The following GDAP1 variants were observed in gnomAD, a reference collection of about 807,000 sequenced individuals.
GDAP1 encodes the protein ganglioside induced differentiation associated protein 1, also known as ganglioside-induced differentiation-associated protein 1.
GDAP1 carries 34 observed loss-of-function variants against 40.1 expected under a neutral mutation model. That is an observed-to-expected ratio of 0.85 (90% CI 0.64 to 1.13). The LOEUF is 1.13. GDAP1 is among the 50% of genes most tolerant of loss of function. GDAP1 has a pLI of 0.00. For missense variants in GDAP1, 374 were observed against 433.7 expected, an observed-to-expected ratio of 0.86 and a Z score of 1.22; for synonymous variants, 170 against 157.4, an observed-to-expected ratio of 1.08 and a Z score of -0.60.
chr8:74,476,748 T>A (rs550399641), intron 2 of GDAP1, among the ~76,000 whole-genome samples: 1 of 152,234 alleles, frequency 6.6e-6, no homozygotes, highest in Admixed American at 6.5e-5. Context: ...GAGAGTCTGA[T>A]GATTATATGT....
At chr8:74,476,258 T>C (rs1385088482) in intron 2 of GDAP1, among the ~76,000 whole-genome samples, 1 of 152,194 alleles carries the variant, frequency 6.6e-6, no homozygotes, top group Non-Finnish European at 1.5e-5. Context: ...CTGTGCCTTT[T>C]AATCAGGATA....
In GDAP1 at chr8:74,391,826, A is replaced by AT. The variant is rs778453517; in HGVS notation, c.165+40514dup. Among the ~76,000 whole-genome samples the AT allele has an allele frequency of 2.0e-4, 31 of 151,458 alleles. 1 individual carries two copies. The East Asian group carries it at 2.5e-3, about 12-fold the overall frequency. On this transcript the variant is annotated intron_variant, in intron 2 of 2. Coordinates refer to the GDAP1 transcript ENST00000523640. ...TTGACTTCAGATATAAGAATATGCA[A>AT]TTTTTTTTTGAGGCAGAATTTCGCT...
chr8:74,413,129 C>A lies in GDAP1; in HGVS notation c.165+61808C>A, dbSNP rs116282903. Among the ~76,000 whole-genome samples, 839 of 129,992 alleles carry A rather than the reference C, an allele frequency of 6.5e-3. 72 individuals are homozygous for A. The highest frequency in any genetic ancestry group is 0.024 in the African/African-American group (778 of 32,762). The allele number at this position is 129,992 out of a possible 152,430, so 85.3% of individuals were successfully genotyped here. On this transcript the variant is annotated intron_variant, in intron 2 of 2. Coordinates refer to the GDAP1 transcript ENST00000523640. ...TGTATACATTAACCACAGATGTTTA[C>A]AATTCAAGTGTGTATGCTAAAAGTA...
chr8:74,486,182 A>G (rs924709840), intron 2 of GDAP1, among the ~76,000 whole-genome samples: 7 of 152,192 alleles, frequency 4.6e-5, no homozygotes, highest in Non-Finnish European at 7.4e-5. Flanking sequence ...AATGTTTGGT[A>G]TCAGATGACA....
At chr8:74,352,324 A>C (rs1808913451) in intron 2 of GDAP1, among the ~76,000 whole-genome samples, 1 of 152,242 alleles carries the variant, frequency 6.6e-6, no homozygotes, top group Non-Finnish European at 1.5e-5. Flanking sequence ...AGAGCAGAAC[A>C]TGGTGCTCAG....
intron 2 of GDAP1, among the ~76,000 whole-genome samples, chr8:74,487,357 A>C (rs982685104): frequency 6.6e-6 from 1 of 152,178 alleles, no homozygotes. Flanking sequence ...ATTAATTCAT[A>C]GCCATTCTTC....
Position 74,401,885 on chromosome 8 carries a change from G to A in GDAP1, c.165+50564G>A, listed in dbSNP as rs563800811. On this transcript the variant is annotated intron_variant, in intron 2 of 2. Transcript: ENST00000523640. ...AGAACAGCGGATTTTCTTGAACCGCGAATGCTGCTGTCTGATCGTTCCTCT... is the reference window on the plus strand; with the variant it reads ...AGAACAGCGGATTTTCTTGAACCGCAAATGCTGCTGTCTGATCGTTCCTCT... Among the ~76,000 whole-genome samples, 142 of 150,066 alleles carry A rather than the reference G, an allele frequency of 9.5e-4. 9 individuals are homozygous for A. The highest frequency in any genetic ancestry group is 3.4e-3 in the African/African-American group (134 of 39,410).
At chr8:74,380,451 T>C (rs191116019) in intron 2 of GDAP1, among the ~76,000 whole-genome samples, 2 of 152,256 alleles carry the variant, frequency 1.3e-5, no homozygotes, top group East Asian at 3.9e-4. Context: ...CTAGAATTAT[T>C]TTTAAAAATT....
chr8:74,447,530 C>T (rs117440745), intron 2 of GDAP1, among the ~76,000 whole-genome samples: 2,363 of 152,194 alleles, frequency 0.016, 39 homozygotes, highest in South Asian at 0.062. Context: ...GGCTTGCAGT[C>T]AAAACATAGG....
chr8:74,368,558 C>T (rs977381210), downstream of GDAP1, among the ~76,000 whole-genome samples: 2 of 152,170 alleles, frequency 1.3e-5, no homozygotes, highest in African/African-American at 4.8e-5. Context: ...TACAAACTTT[C>T]CCATCAAGAA....
Position 74,387,200 on chromosome 8 carries a change from A to G in GDAP1, c.165+35879A>G, listed in dbSNP as rs185033999. ...TTTCTCTTGCCTAATTGGCCTGGCC[A>G]GAACTTCCAACACTATGTTGAATAG... On this transcript the variant is annotated intron_variant, in intron 2 of 2. Coordinates refer to the GDAP1 transcript ENST00000523640. Among the ~76,000 whole-genome samples, 103 of 152,350 alleles carry G rather than the reference A, an allele frequency of 6.8e-4. 2 individuals are homozygous for G. Among genetic ancestry groups the G allele is most frequent in the Middle Eastern group, 6.8e-3 (2 of 294 alleles).
intron 2 of GDAP1, among the ~76,000 whole-genome samples, chr8:74,440,008 A>G (rs1563470554): frequency 6.6e-6 from 1 of 152,154 alleles, no homozygotes; most frequent in East Asian, 1.9e-4. Flanking sequence ...GTCAATAGCT[A>G]TAGCATTTGG....
At chr8:74,424,307 T>C (rs1343607792) in intron 2 of GDAP1, among the ~76,000 whole-genome samples, 2 of 152,162 alleles carry the variant, frequency 1.3e-5, no homozygotes, top group South Asian at 2.1e-4. Flanking sequence ...TCCACGCTGA[T>C]TGAATCCACG....
rs370380965 is a variant in GDAP1, at chr8:74,417,514, G to A, written c.165+66193G>A. ...ACTCTTGACCTCAGGTGATCCACCC[G>A]CCTAGGCCTTCTTCCAAAGTACTGG... On this transcript the variant is annotated intron_variant, in intron 2 of 2. Transcript: ENST00000523640. Among the ~76,000 whole-genome samples the A allele has an allele frequency of 5.3e-5, 8 of 150,094 alleles. 1 individual carries two copies. Among genetic ancestry groups the A allele is most frequent in the East Asian group, 1.9e-4 (1 of 5,184 alleles).
intron 2 of GDAP1, among the ~76,000 whole-genome samples, chr8:74,442,810 G>T (rs1243962626): frequency 1.3e-5 from 2 of 152,170 alleles, no homozygotes; most frequent in Non-Finnish European, 2.9e-5. Flanking sequence ...GGAGTCAAAG[G>T]TTCAAAATGC....
At chr8:74,457,081 G>A (rs1459736084) in intron 2 of GDAP1, among the ~76,000 whole-genome samples, 1 of 152,010 alleles carries the variant, frequency 6.6e-6, no homozygotes, top group African/African-American at 2.4e-5. Flanking sequence ...TTTATTCATT[G>A]TAAATTCATT....
chr8:74,434,015 T>C (rs1309777377), intron 2 of GDAP1, among the ~76,000 whole-genome samples: 1 of 152,256 alleles, frequency 6.6e-6, no homozygotes. Context: ...ATGCATTTCT[T>C]CCTTAGGCTG....
At position 74,351,376 on chromosome 8, in the gene GDAP1, A is replaced by G. The variant is rs753898575; in HGVS notation, c.220A>G (p.Thr74Ala). Residue 74 changes from threonine (T) to alanine (A), a missense_variant, in exon 2 of 6, where the codon ACT (threonine) becomes GCT (alanine). Physicochemically the swap from Thr to Ala is moderately conservative, Grantham distance 58. Transcript: ENST00000220822. ...GCCTTGGTTTATGCGTTTGAACTCA[A>G]CTGGAGAAGTGCCTGTCCTTATCCA... ...NEPWFMRLNSTGEVPVLIHGE... is the reference protein window; with the variant it reads ...NEPWFMRLNSAGEVPVLIHGE... The G allele has an allele frequency of 1.9e-6, 3 of 1,613,628 alleles. No individual in the cohort carries two copies. Among genetic ancestry groups the G allele is most frequent in the Non-Finnish European group, 2.5e-6 (3 of 1,179,508 alleles).
intron 2 of GDAP1, among the ~76,000 whole-genome samples, chr8:74,476,124 T>A (rs780516659): frequency 6.6e-6 from 1 of 152,186 alleles, no homozygotes; most frequent in African/African-American, 2.4e-5. Flanking sequence ...TTTTCTGTTT[T>A]CCTCTTGGTT....
Sources: allele counts gnomAD v4.1 joint callset (sites outside exome capture counted in the v4.1 genomes callset), GRCh38; gene constraint gnomAD v4.1.1; transcripts MANE v1.5; gene names NCBI Gene and HGNC (gene_info 2026-07-23, HGNC 2026-07-21).